The following ZNRF3 variants were observed in gnomAD, a reference collection of about 807,000 sequenced individuals.
The protein encoded by ZNRF3 is zinc and ring finger 3, also known as E3 ubiquitin-protein ligase ZNRF3.
A neutral mutation model predicts 72.5 loss-of-function variants in ZNRF3; 23 were observed. That is an observed-to-expected ratio of 0.32 (90% CI 0.23 to 0.45). ZNRF3 has a LOEUF of 0.45. ZNRF3 is among the 20% of genes least tolerant of loss of function. The probability of loss-of-function intolerance (pLI) is 1.00; values close to 1 mark genes in which losing one functional copy is unlikely to be tolerated. For missense variants in ZNRF3, 1,169 were observed against 1,272.1 expected (o/e 0.92, Z 1.23); for synonymous variants, 610 against 545.3 (o/e 1.12, Z -1.65).
rs569371703 is a variant in ZNRF3, at chr22:28,938,860, G to T, written c.301-48216G>T. Among the ~76,000 whole-genome samples, 24 of 152,282 alleles carry T rather than the reference G, an allele frequency of 1.6e-4. No individual in the cohort carries two copies. In the East Asian group the frequency reaches 4.2e-3, roughly 27 times the overall value. On this transcript the variant is annotated intron_variant, in intron 1 of 8. Transcript: ENST00000544604. ...CCACTAGAAGTAAGGCATGTGCTTG[G>T]AACCATGGCAGAACAGATGGAAGTA...
In ZNRF3 at chr22:29,048,269, G is replaced by A. The variant is rs979202966; in HGVS notation, c.913-120G>A. The A allele has an allele frequency of 1.2e-5, 8 of 692,228 alleles. No individual in the cohort carries two copies. Among genetic ancestry groups the A allele is most frequent in the African/African-American group, 3.5e-5 (2 of 56,614 alleles). The allele number at this position is 692,228 out of a possible 1,614,324, so 42.9% of individuals were successfully genotyped here. On this transcript the variant is annotated intron_variant, in intron 6 of 8. Transcript: ENST00000544604. This position sits in a 1 kb window ranked among gnomAD's most constrained non-coding sequence, Gnocchi z 4.9. The stretch of plus-strand genomic sequence containing the variant: ...GAATTGAGCCCTAATTGGAGGTGGG[G>A]AGGAGAGTAGGGAAGGGCACGGGCA...
chr22:28,905,805 G>A (rs2034195767), intron 1 of ZNRF3, among the ~76,000 whole-genome samples: 1 of 152,080 alleles, frequency 6.6e-6, no homozygotes, highest in Non-Finnish European at 1.5e-5. Context: ...ACTATTCTTG[G>A]GACCTTATAC....
At position 28,958,803 on chromosome 22, in the gene ZNRF3, T is replaced by G. The variant is rs1055196512; in HGVS notation, c.301-28273T>G. 2.6e-4 allele frequency among the ~76,000 whole-genome samples: 39 copies of G among 152,244 alleles called. 1 individual carries two copies. The highest frequency in any genetic ancestry group is 1.5e-5 in the Non-Finnish European group (1 of 68,044). Reference sequence around the variant, plus strand: ...TAGACATACTTCCCAGTTCAGCTTCTGTCTTAGCTCAGAGTAAACAAGTGA... The same window carrying G: ...TAGACATACTTCCCAGTTCAGCTTCGGTCTTAGCTCAGAGTAAACAAGTGA... On this transcript the variant is annotated intron_variant, in intron 1 of 8. Transcript: ENST00000544604.
At chr22:28,937,201 ATATATATATATATATTTTTTTTTTTTTT>A (rs1481578474) in intron 1 of ZNRF3, among the ~76,000 whole-genome samples, 17 of 4,412 alleles carry the variant, frequency 3.9e-3, no homozygotes, top group Non-Finnish European at 0.014. Flanking sequence ...ATATATATAT[ATATATATATATATATTTTTTTTTTTTTT>A]TTTTTTTTTA....
At chr22:28,969,344 G>C (rs1442998016) in intron 1 of ZNRF3, among the ~76,000 whole-genome samples, 8 of 152,112 alleles carry the variant, frequency 5.3e-5, no homozygotes, top group Non-Finnish European at 1.5e-5. Flanking sequence ...TTGTTTTTAA[G>C]CATAATTTAC....
At chr22:28,992,399 C>T (rs2035972699) in intron 2 of ZNRF3, among the ~76,000 whole-genome samples, 1 of 152,054 alleles carries the variant, frequency 6.6e-6, no homozygotes. Context: ...GACTCCAGGG[C>T]TTGGATGCCA....
intron 2 of ZNRF3, among the ~76,000 whole-genome samples, chr22:29,007,198 A>G (rs1170435617): frequency 6.6e-6 from 1 of 152,194 alleles, no homozygotes; most frequent in Admixed American, 6.5e-5. Context: ...GCTCTAATGA[A>G]TGGTCTTCAC....
At chr22:29,011,561 A>G (rs1387194231) in intron 2 of ZNRF3, among the ~76,000 whole-genome samples, 3 of 152,226 alleles carry the variant, frequency 2.0e-5, no homozygotes, top group Non-Finnish European at 4.4e-5. Context: ...AATAAAAAAG[A>G]TTTTTCAACC....
intron 1 of ZNRF3, among the ~76,000 whole-genome samples, chr22:28,966,160 G>A (rs891426963): frequency 2.0e-5 from 3 of 152,072 alleles, no homozygotes; most frequent in African/African-American, 7.3e-5. Flanking sequence ...GCCTAATTCC[G>A]CCCTCTGCAA....
At chr22:28,938,877 A>G (rs1352510250) in intron 1 of ZNRF3, among the ~76,000 whole-genome samples, 2 of 152,186 alleles carry the variant, frequency 1.3e-5, no homozygotes, top group East Asian at 1.9e-4. Flanking sequence ...GGCAGAACAG[A>G]TGGAAGTATA....
intron 2 of ZNRF3, among the ~76,000 whole-genome samples, chr22:29,010,067 T>C (rs4594553): frequency 0.45 from 68,085 of 151,140 alleles, 15,728 homozygotes; most frequent in Non-Finnish European, 0.5. Flanking sequence ...CCACCACGCC[T>C]GGCTAATTTT....
At chr22:28,922,357 T>C (rs2034525932) in intron 1 of ZNRF3, among the ~76,000 whole-genome samples, 1 of 152,356 alleles carries the variant, frequency 6.6e-6, no homozygotes, top group East Asian at 1.9e-4. Flanking sequence ...AAGATGAAAG[T>C]AAATAAATGC....
chr22:28,970,131 A>T (rs774695699), intron 1 of ZNRF3, among the ~76,000 whole-genome samples: 2 of 152,224 alleles, frequency 1.3e-5, no homozygotes, highest in Non-Finnish European at 2.9e-5. Context: ...TCAAAAGAAG[A>T]CTGAAGACTG....
At chr22:28,893,670 G>A (rs978966937) in intron 1 of ZNRF3, among the ~76,000 whole-genome samples, 3 of 151,978 alleles carry the variant, frequency 2.0e-5, no homozygotes, top group African/African-American at 7.2e-5. Flanking sequence ...GCTAATGTTT[G>A]TATTTTCTGT....
At chr22:28,952,461 T>C (rs1212339685) in intron 1 of ZNRF3, among the ~76,000 whole-genome samples, 1 of 151,874 alleles carries the variant, frequency 6.6e-6, no homozygotes, top group Non-Finnish European at 1.5e-5. Flanking sequence ...CAAAGAACAG[T>C]TTCTTTCAGC....
chr22:29,033,816 G>A (rs1225720693), intron 2 of ZNRF3, among the ~76,000 whole-genome samples: 1 of 152,156 alleles, frequency 6.6e-6, no homozygotes, highest in Non-Finnish European at 1.5e-5. Context: ...GGGGAAGTAA[G>A]GATTGTATGA....
chr22:28,984,123 T>G (rs2035813176), intron 1 of ZNRF3, among the ~76,000 whole-genome samples: 1 of 139,340 alleles, frequency 7.2e-6, no homozygotes, highest in Non-Finnish European at 1.7e-5. Flanking sequence ...TTGCTTGTTT[T>G]TTTTTTTTAA....
At chr22:28,955,502 C>G (rs1227846947) in intron 1 of ZNRF3, among the ~76,000 whole-genome samples, 1 of 152,152 alleles carries the variant, frequency 6.6e-6, no homozygotes, top group Non-Finnish European at 1.5e-5. Flanking sequence ...GGACTCCTGG[C>G]CTACCCTCTG....
At chr22:29,021,014 T>C (rs2036529243) in intron 2 of ZNRF3, among the ~76,000 whole-genome samples, 1 of 152,044 alleles carries the variant, frequency 6.6e-6, no homozygotes, top group Non-Finnish European at 1.5e-5. Context: ...GCCAGGATGG[T>C]CTCTATCTCT....
Sources: gnomAD v4.1 joint callset for allele counts (sites outside exome capture counted in the v4.1 genomes callset) on GRCh38, gnomAD v4.1.1 for gene constraint, Gnocchi (gnomAD v3.1) non-coding constraint, MANE v1.5 for transcripts, NCBI Gene and HGNC (gene_info 2026-07-23, HGNC 2026-07-21) for gene names.